TCF7L2: variants seen among roughly 807,000 people sequenced by gnomAD.
The protein encoded by TCF7L2 is transcription factor 7 like 2.
Under a neutral mutation model 77.9 loss-of-function variants are expected in TCF7L2, and 23 were observed. The observed-to-expected ratio is 0.30, with a 90% CI of 0.21 to 0.42. TCF7L2 has a LOEUF of 0.42. Among genes scored for constraint, TCF7L2 ranks in the 10% least tolerant of loss-of-function variants. The probability of loss-of-function intolerance (pLI) is 1.00; values close to 1 mark genes in which losing one functional copy is unlikely to be tolerated. For missense variants in TCF7L2, 654 were observed against 793.1 expected, an observed-to-expected ratio of 0.82 and a Z score of 2.11; for synonymous variants, 413 against 340.2, an observed-to-expected ratio of 1.21 and a Z score of -2.36.
chr10:113,100,099 T>G (rs1442802845), intron 5 of TCF7L2, among the ~76,000 whole-genome samples: 1 of 152,184 alleles, frequency 6.6e-6, no homozygotes, highest in Non-Finnish European at 1.5e-5. Context: ...GGACTTTTAC[T>G]GATAAGAAAC....
intron 5 of TCF7L2, among the ~76,000 whole-genome samples, chr10:113,087,663 T>C (rs2059969129): frequency 6.8e-6 from 1 of 147,978 alleles, no homozygotes; most frequent in African/African-American, 2.5e-5. Flanking sequence ...GAGTACTTCC[T>C]CTGGTGCTCG....
intron 5 of TCF7L2, among the ~76,000 whole-genome samples, chr10:113,101,999 C>A (rs1442667486): frequency 6.8e-6 from 1 of 146,976 alleles, no homozygotes; most frequent in South Asian, 2.2e-4. Context: ...ATTAGCCGGG[C>A]GTGGTGGTGT....
At position 112,950,566 on chromosome 10, in the gene TCF7L2, T is replaced by G. The variant is rs1296587726; in HGVS notation, c.-191T>G. The G allele has an allele frequency of 1.7e-4, 31 of 186,012 alleles. No individual in the cohort carries two copies. Among genetic ancestry groups the G allele is most frequent in the Middle Eastern group, 1.9e-3 (1 of 526 alleles). The allele number at this position is 186,012 out of a possible 1,614,324, so 11.5% of individuals were successfully genotyped here. ...ACGCGTGCAGAAGATCTCCCCCCCC[T>G]TCCCCTCCCCTCCTCCCTCTTTTCC... On this transcript the variant is annotated 5_prime_UTR_variant, in exon 1 of 14. Transcript: ENST00000627217.
At chr10:112,996,616 C>T (rs2043532709) in intron 4 of TCF7L2, among the ~76,000 whole-genome samples, 1 of 152,168 alleles carries the variant, frequency 6.6e-6, no homozygotes, top group Admixed American at 6.5e-5. Flanking sequence ...TGACTACCTT[C>T]TCTCTCCTAA....
At chr10:112,993,303 T>C (rs1564757255) in intron 4 of TCF7L2, among the ~76,000 whole-genome samples, 2 of 151,302 alleles carry the variant, frequency 1.3e-5, no homozygotes, top group Non-Finnish European at 2.9e-5. Flanking sequence ...GCGGATCACT[T>C]GAGGTCAGCC....
At chr10:112,978,315 T>C (rs1454272244) in intron 4 of TCF7L2, among the ~76,000 whole-genome samples, 1 of 152,212 alleles carries the variant, frequency 6.6e-6, no homozygotes, top group Non-Finnish European at 1.5e-5. Flanking sequence ...GAATGTATAC[T>C]GATTAGGTGA....
Position 113,160,573 on chromosome 10 carries a change from G to A in TCF7L2, c.1319-46G>A, listed in dbSNP as rs770674764. Reference sequence around the variant, plus strand: ...TGAGATTTCACATCCAACTGAGCACGACCCACCATTGTGTTGTATTTTTTG... The same window carrying A: ...TGAGATTTCACATCCAACTGAGCACAACCCACCATTGTGTTGTATTTTTTG... On this transcript the variant is annotated intron_variant, in intron 12 of 13. Coordinates refer to ENST00000627217, the MANE Select transcript of TCF7L2 (RefSeq NM_001146274.2). 10 of 1,536,520 alleles carry A rather than the reference G, an allele frequency of 6.5e-6. No homozygotes were observed. The South Asian group carries it at 8.4e-5, about 13-fold the overall frequency.
intron 5 of TCF7L2, among the ~76,000 whole-genome samples, chr10:113,088,819 A>G (rs2060088630): frequency 6.6e-6 from 1 of 151,914 alleles, no homozygotes; most frequent in Admixed American, 6.6e-5. Context: ...AAATAAAAAG[A>G]TTAGCTGAGT....
chr10:113,158,789 T>C, intron 12 of TCF7L2, 72 bp downstream of exon 13: 1 of 1,476,824 alleles, frequency 6.8e-7, no homozygotes, highest in Non-Finnish European at 9.4e-7. Flanking sequence ...ATTATAGTTT[T>C]ATTAACATTT....
intron 5 of TCF7L2, among the ~76,000 whole-genome samples, chr10:113,073,284 C>T (rs966464469): frequency 8.6e-5 from 13 of 151,728 alleles, no homozygotes. Context: ...AAGCTCTGTT[C>T]CCTGTCCTGC....
At chr10:112,966,243 CGCCAACCTTCTTATGTGT>C (rs2036881990) in intron 4 of TCF7L2, among the ~76,000 whole-genome samples, 1 of 140,316 alleles carries the variant, frequency 7.1e-6, no homozygotes, top group African/African-American at 2.9e-5. Context: ...GCAGTTGTGC[CGCCAACCTTCTTATGTGT>C]GTCTTTTGGG....
chr10:113,030,980 C>G (rs1198486647), intron 4 of TCF7L2, among the ~76,000 whole-genome samples: 1 of 152,152 alleles, frequency 6.6e-6, no homozygotes, highest in African/African-American at 2.4e-5. Context: ...TGGGACTGCA[C>G]CATTGCAGGG....
intron 5 of TCF7L2, among the ~76,000 whole-genome samples, chr10:113,089,036 C>G (rs991836642): frequency 1.3e-5 from 2 of 151,928 alleles, no homozygotes; most frequent in African/African-American, 4.8e-5. Context: ...TCAGCAATTT[C>G]ACATAACTAA....
At chr10:112,984,121 G>A (rs993312565) in intron 4 of TCF7L2, among the ~76,000 whole-genome samples, 13 of 152,284 alleles carry the variant, frequency 8.5e-5, no homozygotes, top group Admixed American at 7.8e-4. Flanking sequence ...CTGTCTTTAA[G>A]CTTTCAGAAG....
intron 5 of TCF7L2, among the ~76,000 whole-genome samples, chr10:113,108,911 A>G (rs1338413445): frequency 1.3e-5 from 2 of 152,126 alleles, no homozygotes; most frequent in Non-Finnish European, 2.9e-5. Flanking sequence ...TTTCAGAGGC[A>G]CTCTGATCTT....
At chr10:112,961,071 A>G (rs1475788904) in intron 3 of TCF7L2, among the ~76,000 whole-genome samples, 2 of 147,754 alleles carry the variant, frequency 1.4e-5, no homozygotes, top group Non-Finnish European at 3.0e-5. Context: ...CTGGAGTGCA[A>G]TGCCTAGATC....
At chr10:113,027,867 C>A (rs1359319757) in intron 4 of TCF7L2, among the ~76,000 whole-genome samples, 1 of 152,116 alleles carries the variant, frequency 6.6e-6, no homozygotes, top group African/African-American at 2.4e-5. Flanking sequence ...ATGGTCTGTT[C>A]TTGCCACCCG....
At chr10:113,068,485 C>T (rs1357737950) in intron 5 of TCF7L2, among the ~76,000 whole-genome samples, 2 of 152,100 alleles carry the variant, frequency 1.3e-5, no homozygotes, top group Non-Finnish European at 2.9e-5. Context: ...TCTTGTAAGT[C>T]ATGTGGAGAG....
chr10:112,995,768 G>A (rs2043353068), intron 4 of TCF7L2, among the ~76,000 whole-genome samples: 2 of 152,110 alleles, frequency 1.3e-5, no homozygotes, highest in African/African-American at 4.8e-5. Flanking sequence ...TGCCCCTGGG[G>A]TTCCTTCAGA....
Sources: allele counts gnomAD v4.1 joint callset (sites outside exome capture counted in the v4.1 genomes callset), GRCh38; gene constraint gnomAD v4.1.1; transcripts MANE v1.5; gene names NCBI Gene and HGNC (gene_info 2026-07-23, HGNC 2026-07-21).